The following SPARC variants were observed in gnomAD, a reference collection of about 807,000 sequenced individuals.
The protein encoded by SPARC is secreted protein acidic and cysteine rich.
Under a neutral mutation model 37.7 loss-of-function variants are expected in SPARC, and 23 were observed. The ratio of observed to expected loss-of-function variants is 0.61; its 90% CI spans 0.44 to 0.87. SPARC has a LOEUF of 0.87. Among genes scored for constraint, SPARC ranks in the 40% least tolerant of loss-of-function variants. The pLI is 0.00. For missense variants in SPARC, 312 were observed against 389.0 expected, an observed-to-expected ratio of 0.80 and a Z score of 1.66; for synonymous variants, 155 against 150.8, an observed-to-expected ratio of 1.03 and a Z score of -0.20.
chr5:151,664,705 A>T (rs1760586649), intron 8 of SPARC, among the ~76,000 whole-genome samples: 1 of 152,230 alleles, frequency 6.6e-6, no homozygotes, highest in Non-Finnish European at 1.5e-5. Context: ...AGGGTCTAAA[A>T]ATGACACACC....
intron 3 of SPARC, among the ~76,000 whole-genome samples, chr5:151,673,844 G>C (rs1760797632): frequency 6.6e-6 from 1 of 152,128 alleles, no homozygotes; most frequent in South Asian, 2.1e-4. Context: ...TCCTGAGGCT[G>C]TGTCACAGGC....
At chr5:151,671,040 G>C (rs1027002394) in intron 5 of SPARC, among the ~76,000 whole-genome samples, 5 of 152,184 alleles carry the variant, frequency 3.3e-5, no homozygotes, top group African/African-American at 1.2e-4. Context: ...CTATTGGAGA[G>C]AAGGGACATA....
chr5:151,666,481 C>G lies in SPARC; in HGVS notation c.614G>C (p.Arg205Pro), dbSNP rs369034301. ...CACGGGGTGGTCTCCTGCCTCCAGG[C>G]GCTTCTCATTCTCATGGATCTTCTT... Reference protein sequence around the residue: ...RVKKIHENEKRLEAGDHPVEL... With the variant: ...RVKKIHENEKPLEAGDHPVEL... The change falls in exon 8 of 10, where the codon CGC becomes CCC. Residue 205 changes from arginine to proline, a missense_variant. Transcript: ENST00000231061. 1.9e-6 allele frequency: 3 copies of G among 1,613,950 alleles called. No individual in the cohort carries two copies. Among genetic ancestry groups the G allele is most frequent in the Non-Finnish European group, 2.5e-6 (3 of 1,179,988 alleles).
intron 1 of SPARC, among the ~76,000 whole-genome samples, chr5:151,680,682 C>T (rs1276857246): frequency 3.3e-5 from 5 of 152,182 alleles, no homozygotes; most frequent in Admixed American, 3.3e-4. Flanking sequence ...CCTGGCTCAC[C>T]ACTTAGTAAT....
rs879328588 is a variant in SPARC, at chr5:151,685,412, C to CCT, written c.-14+1451_-14+1452dup. 1.9e-3 allele frequency among the ~76,000 whole-genome samples: 259 copies of CCT among 139,350 alleles called. 1 individual carries two copies. Among genetic ancestry groups the CCT allele is most frequent in the East Asian group, 7.9e-3 (37 of 4,694 alleles). The allele number at this position is 139,350 out of a possible 152,430, so 91.4% of individuals were successfully genotyped here. On this transcript the variant is annotated intron_variant, in intron 1 of 9. Coordinates refer to ENST00000231061, the MANE Select transcript of SPARC (RefSeq NM_003118.4). Reference sequence around the variant, plus strand: ...TTCATCCTCTCTCTCTCTCTCTCTCCCTCTCTCTCTCACACACACACACAC... The same window carrying CCT: ...TTCATCCTCTCTCTCTCTCTCTCTCCCTCTCTCTCTCTCACACACACACACAC...
Position 151,667,620 on chromosome 5 carries a change from G to T in SPARC, c.452-20C>A, listed in dbSNP as rs760276078. 1 of 1,613,558 alleles carries T rather than the reference G, an allele frequency of 6.2e-7. No individual in the cohort carries two copies. Among genetic ancestry groups the T allele is most frequent in the South Asian group, 1.1e-5 (1 of 91,012 alleles). The stretch of plus-strand genomic sequence containing the variant: ...GGATGTCTAGGTTCCAAACACAAGG[G>T]CGGTCAGCACAGACCCTGCCTGGGC... On this transcript the variant is annotated intron_variant, in intron 6 of 9. Coordinates refer to ENST00000231061, the MANE Select transcript of SPARC (RefSeq NM_003118.4).
intron 1 of SPARC, among the ~76,000 whole-genome samples, chr5:151,679,945 A>G (rs974343411): frequency 1.3e-5 from 2 of 152,178 alleles, no homozygotes; most frequent in African/African-American, 4.8e-5. Flanking sequence ...GGTGGAAAGA[A>G]CTTATGGAGT....
intron 4 of SPARC, 123 bp downstream of exon 4, chr5:151,673,006 A>C: frequency 1.3e-6 from 1 of 745,928 alleles, no homozygotes; most frequent in South Asian, 1.5e-5. Context: ...TTTCCTTCAT[A>C]GCCCACTGAG....
intron 1 of SPARC, among the ~76,000 whole-genome samples, chr5:151,676,565 G>T (rs1760863052): frequency 6.6e-6 from 1 of 152,026 alleles, no homozygotes; most frequent in South Asian, 2.1e-4. Flanking sequence ...TATGACAAAG[G>T]TACACAGAGT....
In SPARC at chr5:151,671,694, T is replaced by C. The variant is rs13359508; in HGVS notation, c.209A>G (p.Asn70Ser). Reference sequence around the variant, plus strand: ...TTTGCAGTGGTGGTTCTGGCAGGGATCTGTAGGGCAGAAAGACAAGGGAGT... The same window carrying C: ...TTTGCAGTGGTGGTTCTGGCAGGGACCTGTAGGGCAGAAAGACAAGGGAGT... ...EETEEEVVAE[N>S]PCQNHHCKHG... Residue 70 changes from asparagine (N) to serine (S), a missense_variant and splice_region_variant, in exon 5 of 10, where the codon AAT (asparagine) becomes AGT (serine). By Grantham distance (46) the Asn-to-Ser change is conservative (BLOSUM62 1). Transcript: ENST00000231061. The C allele has an allele frequency of 4.3e-4, 695 of 1,613,588 alleles. 1 individual carries two copies. In the African/African-American group the frequency reaches 7.7e-3, roughly 18 times the overall value.
At chr5:151,680,611 G>A (rs1242316246) in intron 1 of SPARC, among the ~76,000 whole-genome samples, 1 of 152,092 alleles carries the variant, frequency 6.6e-6, no homozygotes, top group Non-Finnish European at 1.5e-5. Context: ...AATAAACTAT[G>A]AGGCAGTATA....
rs1008508259 is a variant in SPARC at position 151,661,692 on chromosome 5, A to C, written c.*1879T>G. The C allele has an allele frequency of 6.6e-6, 1 of 152,206 alleles. No individual in the cohort carries two copies. Among genetic ancestry groups the C allele is most frequent in the Admixed American group, 6.5e-5 (1 of 15,282 alleles). 9.4% of individuals were successfully genotyped at this position (152,206 alleles called of 1,614,324 possible). ...ATGATGATCTAGAAGAGCACTGTCC[A>C]ATAGAACTTTCTGTGATGATGAAAA... On this transcript the variant is annotated 3_prime_UTR_variant, in exon 10 of 10. Coordinates refer to ENST00000231061, the MANE Select transcript of SPARC (RefSeq NM_003118.4).
At chr5:151,675,574 T>C (rs1760837410) in intron 2 of SPARC, among the ~76,000 whole-genome samples, 1 of 152,204 alleles carries the variant, frequency 6.6e-6, no homozygotes, top group Admixed American at 6.5e-5. Flanking sequence ...CAGACAGCAA[T>C]ATCTCAGAGA....
At position 151,664,013 on chromosome 5, in the gene SPARC, G is replaced by T. The variant is rs1024225058; in HGVS notation, c.883+74C>A. On this transcript the variant is annotated intron_variant, in intron 9 of 9. Transcript: ENST00000231061. Reference sequence around the variant, plus strand: ...CAGACAGACCAAGAGAGCGGAGAGTGGGGGGATGACAACCCAGCACCCTGG... The same window carrying T: ...CAGACAGACCAAGAGAGCGGAGAGTTGGGGGATGACAACCCAGCACCCTGG... The T allele has an allele frequency of 1.5e-5, 23 of 1,545,202 alleles. No homozygotes were observed. The East Asian group carries it at 2.9e-4, about 20-fold the overall frequency.
chr5:151,683,187 T>G (rs1281003205), intron 1 of SPARC, among the ~76,000 whole-genome samples: 2 of 152,196 alleles, frequency 1.3e-5, no homozygotes, highest in African/African-American at 4.8e-5. Flanking sequence ...TTCCCTTCTC[T>G]CCTTTGAAAC....
intron 6 of SPARC, among the ~76,000 whole-genome samples, chr5:151,668,467 G>A (rs1482296263): frequency 6.6e-6 from 1 of 152,126 alleles, no homozygotes; most frequent in East Asian, 1.9e-4. Context: ...TTCACACTTT[G>A]TACTGGACTT....
intron 1 of SPARC, among the ~76,000 whole-genome samples, chr5:151,680,713 A>G (rs961329204): frequency 2.6e-5 from 4 of 152,198 alleles, no homozygotes; most frequent in Non-Finnish European, 5.9e-5. Context: ...TTAGAAATCA[A>G]CTTTACCTCT....
chr5:151,663,455 C>T lies in SPARC; in HGVS notation c.*116G>A, dbSNP rs1760553614. 1.0e-6 allele frequency: 1 copy of T among 993,288 alleles called. No homozygotes were observed. Among genetic ancestry groups the T allele is most frequent in the Non-Finnish European group, 1.6e-6 (1 of 637,226 alleles). The allele number at this position is 993,288 out of a possible 1,614,324, so 61.5% of individuals were successfully genotyped here. A position where few individuals can be genotyped will look rare whatever the true frequency, so the allele number is the denominator to read the frequency against. On this transcript the variant is annotated 3_prime_UTR_variant, in exon 10 of 10. Coordinates refer to ENST00000231061, the MANE Select transcript of SPARC (RefSeq NM_003118.4). ...GCACCGTTAATGTATTCACTTAAAT[C>T]TATGTTAGCACCTTGTCTCCAGGCA...
chr5:151,679,004 G>C (rs1760924203), intron 1 of SPARC: 2 of 152,222 alleles, frequency 1.3e-5, no homozygotes, highest in South Asian at 4.1e-4. Context: ...ATCCTGCAAA[G>C]CTAATGGAGT....
Sources: allele counts gnomAD v4.1 joint callset (sites outside exome capture counted in the v4.1 genomes callset), GRCh38; gene constraint gnomAD v4.1.1; transcripts MANE v1.5; gene names NCBI Gene and HGNC (gene_info 2026-07-23, HGNC 2026-07-21).